Variants in KIF16B observed in about 807,000 individuals in gnomAD.
The protein encoded by KIF16B is kinesin family member 16B, also known as kinesin-like protein KIF16B.
Under a neutral mutation model 156.3 loss-of-function variants are expected in KIF16B, and 98 were observed. The ratio of observed to expected loss-of-function variants is 0.63; its 90% CI spans 0.53 to 0.74. The LOEUF is 0.74. Ranked by LOEUF, KIF16B falls within the 30% of genes least tolerant of loss-of-function variation. The pLI, the probability that KIF16B is intolerant of heterozygous loss-of-function variation, is 0.00. For missense variants in KIF16B, 1,421 were observed against 1,606.5 expected (o/e 0.88, Z 1.97); for synonymous variants, 564 against 583.7 (o/e 0.97, Z 0.49).
chr20:16,493,493 T>A (rs145006150), intron 12 of KIF16B, among the ~76,000 whole-genome samples: 201 of 152,336 alleles, frequency 1.3e-3, no homozygotes, highest in Non-Finnish European at 2.7e-3. Flanking sequence ...CTCATCAATA[T>A]CAGATGGAGA....
chr20:16,529,668 C>G (rs1402389357), intron 1 of KIF16B, among the ~76,000 whole-genome samples: 2 of 152,164 alleles, frequency 1.3e-5, no homozygotes, highest in African/African-American at 4.8e-5. Flanking sequence ...AACTGTAGTC[C>G]TGGCCGAGCA....
chr20:16,277,731 G>A (rs1439873128), intron 25 of KIF16B, among the ~76,000 whole-genome samples: 2 of 152,080 alleles, frequency 1.3e-5, no homozygotes, highest in African/African-American at 2.4e-5. Context: ...GAAAACTGAA[G>A]GATATTAGGA....
intron 12 of KIF16B, among the ~76,000 whole-genome samples, chr20:16,457,891 G>C (rs559393809): frequency 6.7e-6 from 1 of 149,812 alleles, no homozygotes; most frequent in Admixed American, 6.6e-5. Flanking sequence ...TTTCCTTTTT[G>C]AGAAGAAAAA....
chr20:16,398,862 G>T lies in KIF16B; in HGVS notation c.1784+5951C>A, dbSNP rs1047512254. Among the ~76,000 whole-genome samples the T allele has an allele frequency of 2.6e-5, 4 of 152,166 alleles. No homozygotes were observed. The East Asian group carries it at 5.8e-4, about 22-fold the overall frequency. On this transcript the variant is annotated intron_variant, in intron 17 of 25. Coordinates refer to ENST00000354981, the MANE Select transcript of KIF16B (RefSeq NM_024704.5). ...AGGGAGGGGAGTCCCAGCATTGCTA[G>T]GCAGAAGCCAGCATGAGGGCTTAGC...
At chr20:16,444,047 T>G (rs1439355663) in intron 12 of KIF16B, among the ~76,000 whole-genome samples, 2 of 152,244 alleles carry the variant, frequency 1.3e-5, no homozygotes, top group Non-Finnish European at 2.9e-5. Context: ...GCCAGCTATC[T>G]AAACATCTAA....
chr20:16,478,918 C>A (rs950270061), intron 12 of KIF16B, among the ~76,000 whole-genome samples: 4 of 152,196 alleles, frequency 2.6e-5, no homozygotes, highest in Admixed American at 2.0e-4. Context: ...GACTATTGTA[C>A]ACCTACTCAA....
At chr20:16,278,226 C>T (rs1279823192) in intron 25 of KIF16B, among the ~76,000 whole-genome samples, 4 of 151,180 alleles carry the variant, frequency 2.6e-5, no homozygotes, top group African/African-American at 9.7e-5. Context: ...TAGGGGAGGA[C>T]AAGAGAAACA....
At chr20:16,521,669 A>C (rs542594767) in intron 3 of KIF16B, among the ~76,000 whole-genome samples, 1 of 152,262 alleles carries the variant, frequency 6.6e-6, no homozygotes, top group East Asian at 1.9e-4. Flanking sequence ...AATACAGAGA[A>C]CACCACAAAA....
At chr20:16,419,536 G>A (rs2066172904) in intron 15 of KIF16B, among the ~76,000 whole-genome samples, 1 of 152,080 alleles carries the variant, frequency 6.6e-6, no homozygotes, top group African/African-American at 2.4e-5. Context: ...TTGAATAGAT[G>A]AAAATATATT....
intron 22 of KIF16B, chr20:16,368,590 TA>T (rs775343666): frequency 1.4e-5 from 14 of 985,924 alleles, no homozygotes; most frequent in Non-Finnish European, 1.7e-5. Context: ...GAACTTGTGG[TA>T]AAAATATCCC....
intron 25 of KIF16B, among the ~76,000 whole-genome samples, chr20:16,285,094 A>G (rs906983908): frequency 1.3e-5 from 2 of 152,172 alleles, no homozygotes; most frequent in Non-Finnish European, 2.9e-5. Context: ...CTGAGAAACT[A>G]AATTTTTAAA....
chr20:16,295,212 C>T (rs1053010648), intron 25 of KIF16B, among the ~76,000 whole-genome samples: 41 of 152,278 alleles, frequency 2.7e-4, no homozygotes, highest in African/African-American at 9.6e-4. Context: ...TAGTGCATAT[C>T]CCCCGGGCCA....
At chr20:16,278,826 C>T (rs4458281) in intron 25 of KIF16B, among the ~76,000 whole-genome samples, 33,758 of 152,132 alleles carry the variant, frequency 0.22, 4,411 homozygotes, top group East Asian at 0.59. Context: ...GCTTCTCAGT[C>T]AGGTCCCCTC....
chr20:16,442,939 G>T (rs990946041), intron 12 of KIF16B, among the ~76,000 whole-genome samples: 14 of 152,172 alleles, frequency 9.2e-5, no homozygotes, highest in Non-Finnish European at 7.3e-5. Context: ...GGCAAGGCAC[G>T]CTGGTGAGTA....
intron 25 of KIF16B, among the ~76,000 whole-genome samples, chr20:16,290,570 G>GC (rs35850596): frequency 0.032 from 4,832 of 152,294 alleles, 78 homozygotes; most frequent in Middle Eastern, 0.037. Flanking sequence ...GACGAGGGGT[G>GC]CCTGATGCTC....
At chr20:16,526,440 A>G (rs1294253456) in intron 2 of KIF16B, among the ~76,000 whole-genome samples, 1 of 152,192 alleles carries the variant, frequency 6.6e-6, no homozygotes, top group Non-Finnish European at 1.5e-5. Flanking sequence ...ACTCCTAAGA[A>G]CCCAACACTC....
At chr20:16,565,483 G>A (rs2071219146) in intron 1 of KIF16B, among the ~76,000 whole-genome samples, 1 of 152,186 alleles carries the variant, frequency 6.6e-6, no homozygotes, top group Non-Finnish European at 1.5e-5. Flanking sequence ...CACACTTGGA[G>A]AATCACTGTT....
At chr20:16,415,684 T>C (rs1294720288) in intron 15 of KIF16B, among the ~76,000 whole-genome samples, 1 of 152,160 alleles carries the variant, frequency 6.6e-6, no homozygotes, top group African/African-American at 2.4e-5. Flanking sequence ...TCTTAGACAT[T>C]TCTTCACTAC....
At chr20:16,471,662 A>G (rs2067665623) in intron 12 of KIF16B, among the ~76,000 whole-genome samples, 1 of 152,196 alleles carries the variant, frequency 6.6e-6, no homozygotes, top group African/African-American at 2.4e-5. Flanking sequence ...AAGCCTTAAT[A>G]AAAATATGAT....
Sources: allele counts gnomAD v4.1 joint callset (sites outside exome capture counted in the v4.1 genomes callset), GRCh38; gene constraint gnomAD v4.1.1; transcripts MANE v1.5; gene names NCBI Gene and HGNC (gene_info 2026-07-23, HGNC 2026-07-21).